The following QTMAN variants were observed in gnomAD, a reference collection of about 807,000 sequenced individuals.
QTMAN encodes the protein queuosine-tRNA mannosyltransferase, also known as tRNA-queuosine alpha-mannosyltransferase.
chr2:144,182,864 A>T, the QTMAN span, among the ~76,000 whole-genome samples: 4 of 72,988 alleles, frequency 5.5e-5, no homozygotes, highest in African/African-American at 2.0e-4. Context: ...TATATATAAT[A>T]TATATATATT....
chr2:144,072,559 C>G, the QTMAN span, among the ~76,000 whole-genome samples: 17 of 152,298 alleles, frequency 1.1e-4, 1 homozygote, highest in South Asian at 1.0e-3. Flanking sequence ...AGGCAGAACA[C>G]AGTTCTAAGT....
At chr2:144,063,173 T>C in the QTMAN span, among the ~76,000 whole-genome samples, 8 of 152,044 alleles carry the variant, frequency 5.3e-5, no homozygotes, top group Non-Finnish European at 5.9e-5. Context: ...CTGAGAGAAA[T>C]GGAGAAACAC....
At chr2:144,138,800 A>C in the QTMAN span, among the ~76,000 whole-genome samples, 1 of 152,128 alleles carries the variant, frequency 6.6e-6, no homozygotes, top group African/African-American at 2.4e-5. Context: ...TTCTAAAAAA[A>C]GGAGAAGGCA....
the QTMAN span, among the ~76,000 whole-genome samples, chr2:144,189,620 CTTTTTT>C: frequency 6.7e-6 from 1 of 149,488 alleles, no homozygotes; most frequent in African/African-American, 2.5e-5. Flanking sequence ...TTTTCTTTTT[CTTTTTT>C]TTTTCTCTGA....
At chr2:144,067,763 C>T in the QTMAN span, among the ~76,000 whole-genome samples, 14 of 152,140 alleles carry the variant, frequency 9.2e-5, no homozygotes, top group African/African-American at 3.4e-4. Context: ...GCTAGGCATC[C>T]AGTAACCTTC....
chr2:144,143,301 A>G, the QTMAN span, among the ~76,000 whole-genome samples: 2 of 151,986 alleles, frequency 1.3e-5, no homozygotes, highest in Non-Finnish European at 2.9e-5. Context: ...ATTCCACCCT[A>G]AAAATGATAG....
chr2:143,968,959 C>G, the QTMAN span, among the ~76,000 whole-genome samples: 1 of 152,158 alleles, frequency 6.6e-6, no homozygotes, highest in African/African-American at 2.4e-5. Flanking sequence ...TATTTCTTTC[C>G]TGTTCAAGAT....
At chr2:144,278,823 G>C in the QTMAN span, among the ~76,000 whole-genome samples, 3 of 151,996 alleles carry the variant, frequency 2.0e-5, no homozygotes, top group Non-Finnish European at 4.4e-5. Context: ...AGTCAAGTGT[G>C]ATGTTCAAAT....
the QTMAN span, among the ~76,000 whole-genome samples, chr2:144,251,226 C>A: frequency 6.6e-6 from 1 of 152,164 alleles, no homozygotes; most frequent in African/African-American, 2.4e-5. Flanking sequence ...CAGAAATTGG[C>A]TTGAGATAAC....
the QTMAN span, among the ~76,000 whole-genome samples, chr2:143,955,492 A>G: frequency 1.3e-5 from 2 of 152,210 alleles, no homozygotes; most frequent in African/African-American, 4.8e-5. Context: ...AATAATGAAC[A>G]TCATGAATAA....
At chr2:144,066,242 T>C in the QTMAN span, among the ~76,000 whole-genome samples, 1 of 152,182 alleles carries the variant, frequency 6.6e-6, no homozygotes, top group Non-Finnish European at 1.5e-5. Flanking sequence ...ACTTCCTTTC[T>C]GCTTTTTACT....
the QTMAN span, among the ~76,000 whole-genome samples, chr2:144,277,314 T>C: frequency 1.3e-5 from 2 of 152,170 alleles, no homozygotes; most frequent in Non-Finnish European, 2.9e-5. Flanking sequence ...AATTAGACGC[T>C]ATACTTTATG....
At chr2:144,305,025 A>G in the QTMAN span, among the ~76,000 whole-genome samples, 2 of 152,200 alleles carry the variant, frequency 1.3e-5, no homozygotes, top group African/African-American at 4.8e-5. Flanking sequence ...TAACTGACAA[A>G]TATGTTCTTG....
At chr2:144,305,155 T>C in the QTMAN span, among the ~76,000 whole-genome samples, 2 of 152,228 alleles carry the variant, frequency 1.3e-5, no homozygotes, top group African/African-American at 4.8e-5. Flanking sequence ...GCTTTTGGTG[T>C]CTTGTAAAAA....
the QTMAN span, among the ~76,000 whole-genome samples, chr2:144,102,854 A>G: frequency 0.045 from 6,917 of 152,268 alleles, 516 homozygotes; most frequent in African/African-American, 0.16. Context: ...AATTTACCCG[A>G]AATACAAATA....
chr2:144,179,744 T>C, the QTMAN span, among the ~76,000 whole-genome samples: 1 of 152,178 alleles, frequency 6.6e-6, no homozygotes, highest in Admixed American at 6.6e-5. Flanking sequence ...TACTTAGTTT[T>C]CCACATTTAT....
the QTMAN span, among the ~76,000 whole-genome samples, chr2:144,130,449 G>A: frequency 6.6e-6 from 1 of 151,844 alleles, no homozygotes; most frequent in African/African-American, 2.4e-5. Flanking sequence ...TTGACATAAA[G>A]TAAACATCAT....
At chr2:143,993,156 A>G in the QTMAN span, among the ~76,000 whole-genome samples, 1 of 152,164 alleles carries the variant, frequency 6.6e-6, no homozygotes, top group African/African-American at 2.4e-5. Flanking sequence ...TTATTTGATT[A>G]ATAGGTACTG....
the QTMAN span, among the ~76,000 whole-genome samples, chr2:144,298,163 C>T: frequency 3.3e-5 from 5 of 150,248 alleles, no homozygotes; most frequent in South Asian, 6.4e-4. Flanking sequence ...GGACTACAGG[C>T]GCCTGCCACC....
Sources: gnomAD v4.1 joint callset for allele counts (sites outside exome capture counted in the v4.1 genomes callset) on GRCh38, gnomAD v4.1.1 for gene constraint, MANE v1.5 for transcripts, NCBI Gene and HGNC (gene_info 2026-07-23, HGNC 2026-07-21) for gene names.